Variants in IDO2 observed in about 807,000 individuals in gnomAD.
IDO2 encodes the protein indoleamine 2,3-dioxygenase-like 1 protein.
A neutral mutation model predicts 45.1 loss-of-function variants in IDO2; 46 were observed. The ratio of observed to expected loss-of-function variants is 1.02; its 90% CI spans 0.80 to 1.30. The LOEUF (loss-of-function observed/expected upper bound fraction) is 1.30, where lower values mean the gene tolerates loss of function less well. Among genes scored for constraint, IDO2 ranks in the 50% most tolerant of loss-of-function variants. The probability of loss-of-function intolerance (pLI) is 0.00; values close to 1 mark genes in which losing one functional copy is unlikely to be tolerated. For missense variants in IDO2, 544 were observed against 491.8 expected, an observed-to-expected ratio of 1.11 and a Z score of -1.00; for synonymous variants, 218 against 184.9, an observed-to-expected ratio of 1.18 and a Z score of -1.45.
At chr8:39,979,925 A>T (rs1385648458) in intron 4 of IDO2, among the ~76,000 whole-genome samples, 1 of 152,138 alleles carries the variant, frequency 6.6e-6, no homozygotes, top group African/African-American at 2.4e-5. Flanking sequence ...AGGCTCAAGC[A>T]ACCCTCCCAC....
At chr8:40,003,908 C>T (rs1402694202) in intron 8 of IDO2, among the ~76,000 whole-genome samples, 1 of 152,070 alleles carries the variant, frequency 6.6e-6, no homozygotes, top group Non-Finnish European at 1.5e-5. Context: ...TCTCTTATTC[C>T]TAATTAGCTG....
chr8:40,006,952 C>T (rs1946170), intron 9 of IDO2, among the ~76,000 whole-genome samples: 10,421 of 152,180 alleles, frequency 0.068, 532 homozygotes, highest in East Asian at 0.32. Flanking sequence ...TGAGCCACCA[C>T]GTCTGGCTGA....
chr8:39,964,055 T>C (rs1175332049), intron 3 of IDO2, among the ~76,000 whole-genome samples: 1 of 152,228 alleles, frequency 6.6e-6, no homozygotes, highest in East Asian at 1.9e-4. Flanking sequence ...TCCATGTACG[T>C]ACTCAAGGCT....
intron 6 of IDO2, chr8:39,987,315 C>A (rs1808441050): frequency 6.6e-6 from 1 of 152,232 alleles, no homozygotes; most frequent in South Asian, 2.1e-4. Flanking sequence ...CACCTCGTTT[C>A]TTTATAAATT....
At chr8:39,944,600 T>C (rs1425444623) in intron 1 of IDO2, among the ~76,000 whole-genome samples, 1 of 152,166 alleles carries the variant, frequency 6.6e-6, no homozygotes, top group Non-Finnish European at 1.5e-5. Flanking sequence ...TATCCGCAAT[T>C]CACAGGAATT....
intron 2 of IDO2, among the ~76,000 whole-genome samples, chr8:39,959,399 C>T (rs899979686): frequency 6.2e-5 from 5 of 80,634 alleles, no homozygotes; most frequent in Non-Finnish European, 1.2e-4. Flanking sequence ...CAGGCGTGAG[C>T]CACTGTGCCC....
rs58530651 is a variant in IDO2 at position 39,997,989 on chromosome 8, G to C, written c.668-7338G>C. 700 of 231,382 alleles carry C rather than the reference G, an allele frequency of 3.0e-3. 6 individuals are homozygous for C. The highest frequency in any genetic ancestry group is 0.014 in the African/African-American group (621 of 43,694). The allele number at this position is 231,382 out of a possible 1,614,324, so 14.3% of individuals were successfully genotyped here. The stretch of plus-strand genomic sequence containing the variant: ...TGACTGGCTAGCAAATGCCTATTCT[G>C]TAAGCTCCTCACTTAGCCCATCTGT... On this transcript the variant is annotated intron_variant, in intron 8 of 10. Transcript: ENST00000502986.
chr8:40,015,187 G>C, intron 10 of IDO2, 60 bp from the exon 11 acceptor site: 1 of 998,540 alleles, frequency 1.0e-6, no homozygotes, highest in Non-Finnish European at 1.5e-6. Context: ...AGAAGAAGCA[G>C]ACGAGCTCTG....
chr8:39,968,560 C>A (rs1225702960), intron 3 of IDO2, among the ~76,000 whole-genome samples: 1 of 152,024 alleles, frequency 6.6e-6, no homozygotes, highest in Non-Finnish European at 1.5e-5. Context: ...GGATGGAATG[C>A]AGACTGTGAT....
At chr8:39,956,434 A>G (rs995815055) in intron 2 of IDO2, among the ~76,000 whole-genome samples, 17 of 152,228 alleles carry the variant, frequency 1.1e-4, no homozygotes, top group African/African-American at 4.1e-4. Context: ...ATAGCTCTTC[A>G]GACTACAGAC....
intron 8 of IDO2, chr8:39,995,173 CTT>C (rs1299187895): frequency 0.021 from 2,908 of 141,800 alleles, 161 homozygotes; most frequent in Non-Finnish European, 0.027. Flanking sequence ...TCCTCCTCCT[CTT>C]CTTCCTTCTT....
chr8:40,003,142 G>C (rs751220015), intron 8 of IDO2, among the ~76,000 whole-genome samples: 1 of 151,966 alleles, frequency 6.6e-6, no homozygotes, highest in Non-Finnish European at 1.5e-5. Flanking sequence ...GGCCAAGGTG[G>C]GTGGATCACC....
At chr8:39,943,105 C>T (rs368703073) in intron 1 of IDO2, among the ~76,000 whole-genome samples, 2 of 151,976 alleles carry the variant, frequency 1.3e-5, no homozygotes, top group South Asian at 4.1e-4. Context: ...CAGTGGCTCA[C>T]GCCTGTAATC....
chr8:39,943,475 A>T (rs6474195), intron 1 of IDO2, among the ~76,000 whole-genome samples: 2 of 151,718 alleles, frequency 1.3e-5, no homozygotes, highest in East Asian at 3.9e-4. Context: ...CGGTGGCTCA[A>T]GCCTGTAATC....
chr8:40,000,569 G>A (rs2129595170), intron 8 of IDO2, among the ~76,000 whole-genome samples: 1 of 152,242 alleles, frequency 6.6e-6, no homozygotes, highest in African/African-American at 2.4e-5. Flanking sequence ...TATAGACATA[G>A]CACATTTTCA....
chr8:39,964,613 G>A (rs1808054447), intron 3 of IDO2, among the ~76,000 whole-genome samples: 1 of 152,200 alleles, frequency 6.6e-6, no homozygotes, highest in African/African-American at 2.4e-5. Flanking sequence ...CTCATTGAAT[G>A]TTTGCTTTGT....
chr8:39,967,224 CCATAAG>C (rs1808099331), intron 3 of IDO2, among the ~76,000 whole-genome samples: 1 of 151,808 alleles, frequency 6.6e-6, no homozygotes, highest in African/African-American at 2.4e-5. Context: ...TAATGGAATC[CCATAAG>C]CAGATGGGTG....
intron 3 of IDO2, among the ~76,000 whole-genome samples, chr8:39,977,260 A>G (rs1446808479): frequency 6.6e-6 from 1 of 152,258 alleles, no homozygotes; most frequent in Admixed American, 6.5e-5. Flanking sequence ...AAAATGCTCA[A>G]TCTCAAGAAT....
intron 1 of IDO2, among the ~76,000 whole-genome samples, chr8:39,940,480 C>T (rs1454722111): frequency 1.3e-5 from 2 of 152,052 alleles, no homozygotes; most frequent in African/African-American, 4.8e-5. Flanking sequence ...AAATGAGGTA[C>T]AGATTGATTG....
Sources: allele counts gnomAD v4.1 joint callset (sites outside exome capture counted in the v4.1 genomes callset), GRCh38; gene constraint gnomAD v4.1.1; transcripts MANE v1.5; gene names NCBI Gene and HGNC (gene_info 2026-07-23, HGNC 2026-07-21).